MAF: variants seen among roughly 807,000 people sequenced by gnomAD.
The protein encoded by MAF is MAF bZIP transcription factor, also known as transcription factor Maf.
A neutral mutation model predicts 22.0 loss-of-function variants in MAF; 10 were observed. The ratio of observed to expected loss-of-function variants is 0.45; its 90% confidence interval spans 0.28 to 0.77. The LOEUF (loss-of-function observed/expected upper bound fraction) is 0.77, where lower values mean the gene tolerates loss of function less well. Ranked by LOEUF, MAF falls within the 30% of genes least tolerant of loss-of-function variation. MAF has a pLI of 0.12. For synonymous variants in MAF, 337 were observed against 255.8 expected, an observed-to-expected ratio of 1.32 and a Z score of -3.03; for missense variants, 544 against 548.4, an observed-to-expected ratio of 0.99 and a Z score of 0.08.
the MAF span, among the ~76,000 whole-genome samples, chr16:79,372,614 A>T: frequency 1.3e-5 from 2 of 152,288 alleles, no homozygotes; most frequent in Admixed American, 1.3e-4. Flanking sequence ...ACCCACTTCA[A>T]CGAGGCAGGC....
At chr16:79,258,028 G>T in the MAF span, among the ~76,000 whole-genome samples, 1 of 152,158 alleles carries the variant, frequency 6.6e-6, no homozygotes, top group African/African-American at 2.4e-5. Flanking sequence ...ATGTGACTCT[G>T]TTAAGTACAA....
chr16:79,206,420 C>G, the MAF span: 2 of 152,194 alleles, frequency 1.3e-5, no homozygotes, highest in Non-Finnish European at 2.9e-5. Flanking sequence ...GGACGAGTTG[C>G]TTTTGATCTC....
chr16:79,398,343 GAAATT>G, the MAF span, among the ~76,000 whole-genome samples: 2 of 152,248 alleles, frequency 1.3e-5, no homozygotes, highest in Middle Eastern at 6.8e-3. Context: ...TTGCAGTATG[GAAATT>G]AAATTAACTT....
chr16:79,438,597 C>T, the MAF span, among the ~76,000 whole-genome samples: 1 of 152,078 alleles, frequency 6.6e-6, no homozygotes, highest in African/African-American at 2.4e-5. Context: ...GGATTGTTTC[C>T]TCCATTTCAC....
chr16:79,312,204 G>C, the MAF span, among the ~76,000 whole-genome samples: 2 of 152,034 alleles, frequency 1.3e-5, no homozygotes, highest in African/African-American at 2.4e-5. Flanking sequence ...CAGAGTAAAA[G>C]TTGACATTCC....
chr16:79,342,868 G>C, the MAF span, among the ~76,000 whole-genome samples: 1 of 152,268 alleles, frequency 6.6e-6, no homozygotes, highest in Admixed American at 6.5e-5. Context: ...AACTCATTAA[G>C]AGTTCATGGG....
chr16:79,310,074 A>G, the MAF span, among the ~76,000 whole-genome samples: 2 of 152,156 alleles, frequency 1.3e-5, no homozygotes, highest in Non-Finnish European at 2.9e-5. Context: ...AACTCCCAGC[A>G]CTGAGAATTA....
At chr16:79,430,547 G>A in the MAF span, among the ~76,000 whole-genome samples, 2 of 152,180 alleles carry the variant, frequency 1.3e-5, no homozygotes, top group South Asian at 2.1e-4. Context: ...CTCACTTCCA[G>A]CTGGCCCCTC....
At chr16:79,413,259 T>TTTTTTTTTTTTTTTC in the MAF span, among the ~76,000 whole-genome samples, 1 of 94,486 alleles carries the variant, frequency 1.1e-5, no homozygotes, top group African/African-American at 4.2e-5. Context: ...TTTTTTTTTT[T>TTTTTTTTTTTTTTTC]TGAGACGGAG....
At chr16:79,211,304 G>C in the MAF span, among the ~76,000 whole-genome samples, 3 of 152,172 alleles carry the variant, frequency 2.0e-5, no homozygotes, top group Non-Finnish European at 4.4e-5. Context: ...CTTTTTCTCT[G>C]TGTGGAAGAG....
chr16:79,482,648 G>A, the MAF span, among the ~76,000 whole-genome samples: 3 of 152,182 alleles, frequency 2.0e-5, no homozygotes, highest in South Asian at 6.2e-4. Flanking sequence ...AGTGAAGCAC[G>A]GAGCATGCTC....
chr16:79,520,257 C>T, the MAF span, among the ~76,000 whole-genome samples: 1 of 152,156 alleles, frequency 6.6e-6, no homozygotes, highest in Non-Finnish European at 1.5e-5. Context: ...CTGGTTCGAG[C>T]CCTTCTATCC....
the MAF span, among the ~76,000 whole-genome samples, chr16:79,254,059 T>G: frequency 2.6e-5 from 4 of 152,030 alleles, no homozygotes; most frequent in African/African-American, 9.7e-5. Context: ...TCTTTATATG[T>G]TATTTTTCTT....
At chr16:79,471,979 T>C in the MAF span, among the ~76,000 whole-genome samples, 1 of 152,122 alleles carries the variant, frequency 6.6e-6, no homozygotes, top group Non-Finnish European at 1.5e-5. Context: ...AAGTGTAGCT[T>C]TCTAGTTAGG....
chr16:79,258,839 T>C, the MAF span, among the ~76,000 whole-genome samples: 3 of 152,186 alleles, frequency 2.0e-5, no homozygotes, highest in Admixed American at 1.3e-4. Flanking sequence ...TCTGCACTTC[T>C]GGTTCTCATC....
the MAF span, among the ~76,000 whole-genome samples, chr16:79,267,989 C>T: frequency 1.3e-5 from 2 of 152,140 alleles, no homozygotes; most frequent in East Asian, 3.9e-4. Context: ...TTAATCACAC[C>T]TCAGTTACTG....
At chr16:79,253,193 T>G in the MAF span, among the ~76,000 whole-genome samples, 2 of 152,134 alleles carry the variant, frequency 1.3e-5, no homozygotes, top group Non-Finnish European at 2.9e-5. Flanking sequence ...TGCTTAGAAC[T>G]TGGATCCTGG....
chr16:79,384,625 CGG>C, the MAF span, among the ~76,000 whole-genome samples: 5 of 150,520 alleles, frequency 3.3e-5, no homozygotes, highest in Non-Finnish European at 7.4e-5. Context: ...GGTGTGGTGG[CGG>C]GCGCCTGTAG....
Position 79,598,871 on chromosome 16 carries a change from G to A in MAF, c.1032C>T (p.Tyr344=), listed in dbSNP as rs2143798322. Residue 344 remains tyrosine, a synonymous_variant, in exon 1 of 2, where the codon TAC becomes TAT. Transcript: ENST00000326043. ...TCACCAACTTCTCGTATTTCTCCTT[G>A]TACGCGTCCCTCTCGCGCACCAGCC... ...ISRLVRERDA[Y]KEKYEKLVSS... 1 of 1,613,802 alleles carries A rather than the reference G, an allele frequency of 6.2e-7. No individual in the cohort carries two copies. Among genetic ancestry groups the A allele is most frequent in the Non-Finnish European group, 8.5e-7 (1 of 1,179,986 alleles).
Sources: allele counts gnomAD v4.1 joint callset (sites outside exome capture counted in the v4.1 genomes callset), GRCh38; gene constraint gnomAD v4.1.1; transcripts MANE v1.5; gene names NCBI Gene and HGNC (gene_info 2026-07-23, HGNC 2026-07-21).